The following SEMA6D variants were observed in gnomAD, a reference collection of about 807,000 sequenced individuals.
The protein encoded by SEMA6D is semaphorin-6D.
Under a neutral mutation model 106.6 loss-of-function variants are expected in SEMA6D, and 35 were observed. That is an observed-to-expected ratio of 0.33 (90% CI 0.25 to 0.44). The LOEUF (loss-of-function observed/expected upper bound fraction) is 0.44, where lower values mean the gene tolerates loss of function less well. Ranked by LOEUF, SEMA6D falls within the 20% of genes least tolerant of loss-of-function variation. SEMA6D has a pLI of 1.00. For synonymous variants in SEMA6D, 499 were observed against 487.7 expected (o/e 1.02, Z -0.31); for missense variants, 1,185 against 1,345.9 (o/e 0.88, Z 1.87).
In SEMA6D at chr15:47,767,412, T is replaced by C. The variant is rs139218748; in HGVS notation, c.1765+319T>C. The C allele has an allele frequency of 4.5e-3, 995 of 220,534 alleles. 11 individuals carry two copies. Among genetic ancestry groups the C allele is most frequent in the African/African-American group, 0.02 (899 of 44,420 alleles). The allele number at this position is 220,534 out of a possible 1,614,324, so 13.7% of individuals were successfully genotyped here. ...CTCTTTGCATTGTGAATGTTTCTTC[T>C]GGTCATCTGTATTTAATGGATGGCG... On this transcript the variant is annotated intron_variant, in intron 17 of 18. Coordinates refer to ENST00000536845, the MANE Select transcript of SEMA6D (RefSeq NM_001358351.3).
At chr15:47,593,926 C>T (rs1318159432) in intron 3 of SEMA6D, among the ~76,000 whole-genome samples, 1 of 152,172 alleles carries the variant, frequency 6.6e-6, no homozygotes, top group Admixed American at 6.5e-5. Flanking sequence ...CATGAAGGAT[C>T]CACCCTCATG....
At chr15:47,213,748 GA>G in intron 1 of SEMA6D, among the ~76,000 whole-genome samples, 1 of 152,204 alleles carries the variant, frequency 6.6e-6, no homozygotes, top group African/African-American at 2.4e-5. Flanking sequence ...AAGTAAATGG[GA>G]AAATGACAGC....
At chr15:47,379,104 A>G (rs1160623187) in intron 1 of SEMA6D, among the ~76,000 whole-genome samples, 1 of 152,242 alleles carries the variant, frequency 6.6e-6, no homozygotes, top group Non-Finnish European at 1.5e-5. Flanking sequence ...TTTTGAACTT[A>G]TAAAGCCTTT....
chr15:47,770,601 G>C lies in SEMA6D; in HGVS notation c.2038G>C (p.Gly680Arg), dbSNP rs1407513694. 1 of 1,614,034 alleles carries C rather than the reference G, an allele frequency of 6.2e-7. No individual in the cohort carries two copies. The highest frequency in any genetic ancestry group is 1.7e-5 in the Admixed American group (1 of 60,004). Reference protein sequence around the residue: ...AAFVLGAFIAGVAVYCYRDMF... With the variant: ...AAFVLGAFIARVAVYCYRDMF... ...TTTTGTTTTGGGGGCATTCATTGCA[G>C]GTGTGGCAGTATACTGCTATCGAGA... Residue 680 changes from glycine to arginine, a missense_variant, in exon 19 of 19, where the codon GGT (glycine) becomes CGT (arginine). Around this residue, in one of 3 missense-constraint regions of SEMA6D, gnomAD observed 750 missense variants for 783.5 expected, o/e 0.96. Coordinates refer to ENST00000536845, the MANE Select transcript of SEMA6D (RefSeq NM_001358351.3).
chr15:47,585,375 A>G (rs2076320386), intron 3 of SEMA6D, among the ~76,000 whole-genome samples: 3 of 152,250 alleles, frequency 2.0e-5, no homozygotes, highest in South Asian at 4.1e-4. Flanking sequence ...ATACCACAAC[A>G]TTATTTTAAT....
intron 4 of SEMA6D, among the ~76,000 whole-genome samples, chr15:47,622,875 C>G (rs1374226069): frequency 6.6e-6 from 1 of 152,092 alleles, no homozygotes; most frequent in East Asian, 1.9e-4. Flanking sequence ...AAGAGCAGTT[C>G]CAGAAGTCCT....
At chr15:47,424,295 G>C (rs2041262532) in intron 2 of SEMA6D, among the ~76,000 whole-genome samples, 1 of 151,636 alleles carries the variant, frequency 6.6e-6, no homozygotes, top group Non-Finnish European at 1.5e-5. Flanking sequence ...TTAAAGAGAA[G>C]GATTGAGAAT....
intron 1 of SEMA6D, chr15:47,396,209 C>T (rs1280369059): frequency 6.6e-6 from 1 of 152,158 alleles, no homozygotes; most frequent in African/African-American, 2.4e-5. Flanking sequence ...ACTTAAGCCA[C>T]CCAGTCTATG....
chr15:47,370,710 A>AT (rs753063711), intron 1 of SEMA6D, among the ~76,000 whole-genome samples: 2 of 138,234 alleles, frequency 1.4e-5, no homozygotes. Context: ...AAAAAAAAAA[A>AT]TTTGATGGGT....
chr15:47,273,787 T>A (rs1385823187), intron 1 of SEMA6D, among the ~76,000 whole-genome samples: 1 of 152,232 alleles, frequency 6.6e-6, no homozygotes, highest in Non-Finnish European at 1.5e-5. Flanking sequence ...CAGTTGGCAC[T>A]GGCTTACCAT....
At chr15:47,612,098 T>G (rs773450293) in intron 4 of SEMA6D, among the ~76,000 whole-genome samples, 11 of 152,140 alleles carry the variant, frequency 7.2e-5, no homozygotes, top group Non-Finnish European at 1.2e-4. Context: ...TGAAGCTGAT[T>G]GGTAGGCATT....
intron 3 of SEMA6D, among the ~76,000 whole-genome samples, chr15:47,509,897 G>T (rs2044172876): frequency 6.6e-6 from 1 of 152,144 alleles, no homozygotes; most frequent in South Asian, 2.1e-4. Flanking sequence ...TCCAATGCGT[G>T]CCAACATTTG....
chr15:47,289,768 G>C (rs1258147142), intron 1 of SEMA6D, among the ~76,000 whole-genome samples: 1 of 152,016 alleles, frequency 6.6e-6, no homozygotes, highest in African/African-American at 2.4e-5. Flanking sequence ...AGGGCATTAT[G>C]AGCAGACACT....
chr15:47,559,547 G>A (rs1345282303), intron 3 of SEMA6D, among the ~76,000 whole-genome samples: 3 of 152,226 alleles, frequency 2.0e-5, no homozygotes, highest in East Asian at 3.9e-4. Context: ...GAAGCTAATA[G>A]GGAGGTCTAG....
chr15:47,432,788 G>A (rs1397652679), intron 2 of SEMA6D, among the ~76,000 whole-genome samples: 1 of 152,074 alleles, frequency 6.6e-6, no homozygotes, highest in Non-Finnish European at 1.5e-5. Context: ...TCACTTAGGA[G>A]AACCACTGTG....
intron 3 of SEMA6D, among the ~76,000 whole-genome samples, chr15:47,542,258 G>T (rs1484401572): frequency 2.6e-5 from 4 of 152,088 alleles, no homozygotes; most frequent in South Asian, 2.1e-4. Context: ...AATATTTTTT[G>T]ATGGGAAACT....
At chr15:47,395,467 C>T (rs1370880198) in intron 1 of SEMA6D, 1 of 152,186 alleles carries the variant, frequency 6.6e-6, no homozygotes, top group East Asian at 1.9e-4. Flanking sequence ...TCAATCATTT[C>T]ATGGATTGTT....
intron 2 of SEMA6D, among the ~76,000 whole-genome samples, chr15:47,462,796 T>C (rs1443292199): frequency 6.6e-6 from 1 of 152,100 alleles, no homozygotes; most frequent in Non-Finnish European, 1.5e-5. Context: ...TAATTTTATC[T>C]CATAAAGATT....
At chr15:47,589,709 G>A (rs958573388) in intron 3 of SEMA6D, among the ~76,000 whole-genome samples, 7 of 152,216 alleles carry the variant, frequency 4.6e-5, no homozygotes, top group African/African-American at 1.7e-4. Flanking sequence ...ATTGGCTAAG[G>A]GATCCCTCGA....
Sources: gnomAD v4.1 joint callset for allele counts (sites outside exome capture counted in the v4.1 genomes callset) on GRCh38, gnomAD v4.1.1 for gene constraint, gnomAD v4.1.1 regional missense constraint, MANE v1.5 for transcripts, NCBI Gene and HGNC (gene_info 2026-07-23, HGNC 2026-07-21) for gene names.